GBP6: variants seen among roughly 807,000 people sequenced by gnomAD.
The protein encoded by GBP6 is guanylate-binding protein 6.
Under a neutral mutation model 61.5 loss-of-function variants are expected in GBP6, and 54 were observed. The ratio of observed to expected loss-of-function variants is 0.88; its 90% CI spans 0.71 to 1.10. The LOEUF (loss-of-function observed/expected upper bound fraction) is 1.10, where lower values mean the gene tolerates loss of function less well. GBP6 is among the 50% of genes least tolerant of loss of function. The probability of loss-of-function intolerance (pLI) is 0.00; values close to 1 mark genes in which losing one functional copy is unlikely to be tolerated. For synonymous variants in GBP6, 255 were observed against 273.7 expected (o/e 0.93, Z 0.67); for missense variants, 748 against 752.8 (o/e 0.99, Z 0.07).
intron 5 of GBP6, 142 bp downstream of exon 5, chr1:89,378,755 C>T (rs748062606): frequency 8.1e-6 from 5 of 621,030 alleles, no homozygotes; most frequent in Non-Finnish European, 1.1e-5. Flanking sequence ...TGTTGAAGAG[C>T]TCTAGGAATG....
chr1:89,370,924 G>A (rs960361857), intron 3 of GBP6, among the ~76,000 whole-genome samples: 5 of 152,008 alleles, frequency 3.3e-5, no homozygotes, highest in African/African-American at 7.2e-5. Context: ...ACTGCTGTAC[G>A]GTAGATCTCC....
chr1:89,375,579 G>C (rs945170895), intron 3 of GBP6, among the ~76,000 whole-genome samples: 2 of 146,072 alleles, frequency 1.4e-5, no homozygotes, highest in Non-Finnish European at 3.0e-5. Flanking sequence ...CAGCACCTTT[G>C]CTCATTTTTA....
At chr1:89,376,741 T>C (rs1350665432) in intron 3 of GBP6, among the ~76,000 whole-genome samples, 1 of 152,166 alleles carries the variant, frequency 6.6e-6, no homozygotes, top group African/African-American at 2.4e-5. Flanking sequence ...TTATATTTAT[T>C]TAAGAATATT....
Position 89,368,700 on chromosome 1 carries a change from G to C in GBP6, c.149G>C (p.Gly50Ala). 1 of 1,613,866 alleles carries C rather than the reference G, an allele frequency of 6.2e-7. No individual in the cohort carries two copies. The highest frequency in any genetic ancestry group is 8.5e-7 in the Non-Finnish European group (1 of 1,179,800). The change falls in exon 2 of 11, where the codon GGG becomes GCG. Residue 50 changes from glycine to alanine, a missense_variant. By Grantham distance (60) the Gly-to-Ala change is moderately conservative (BLOSUM62 0). Coordinates refer to ENST00000370456, the MANE Select transcript of GBP6 (RefSeq NM_198460.3). ...GCCATTGTAGGACTGTACCGTACAG[G>C]GAAATCCTACTTGATGAACCATCTG... ...VVAIVGLYRT[G>A]KSYLMNHLAG...
At position 89,387,937 on chromosome 1, in the gene GBP6, GCT is replaced by G. The variant is rs1653183598; in HGVS notation, c.*2471_*2472del. ...AACAGAGCCTGGGCGACAGAGTGAG[GCT>G]CTGTCTCAAAAAATTAAACTAAATT... On this transcript the variant is annotated 3_prime_UTR_variant, in exon 11 of 11. Coordinates refer to ENST00000370456, the MANE Select transcript of GBP6 (RefSeq NM_198460.3). Among the ~76,000 whole-genome samples, 1 of 152,156 alleles carries G rather than the reference GCT, an allele frequency of 6.6e-6. No homozygotes were observed. Among genetic ancestry groups the G allele is most frequent in the South Asian group, 2.1e-4 (1 of 4,830 alleles).
At chr1:89,367,598 A>AG (rs1299321249) in intron 1 of GBP6, among the ~76,000 whole-genome samples, 2 of 152,120 alleles carry the variant, frequency 1.3e-5, no homozygotes, top group South Asian at 2.1e-4. Context: ...CTTTCCATAG[A>AG]TTGCCTTTTT....
In GBP6 at chr1:89,379,385, G is replaced by A. The variant is rs143515973; in HGVS notation, c.625+772G>A. Among the ~76,000 whole-genome samples, 1,474 of 151,892 alleles carry A rather than the reference G, an allele frequency of 9.7e-3. 21 individuals carry two copies. The highest frequency in any genetic ancestry group is 0.033 in the African/African-American group (1,379 of 41,378). The stretch of plus-strand genomic sequence containing the variant: ...CATATTTCAACATGAGATTTGGAGG[G>A]GACACACATCCAAAATACATCAACA... On this transcript the variant is annotated intron_variant, in intron 5 of 10. Coordinates refer to ENST00000370456, the MANE Select transcript of GBP6 (RefSeq NM_198460.3).
At position 89,378,152 on chromosome 1, in the gene GBP6, G is replaced by A; in HGVS notation, c.368G>A (p.Cys123Tyr). 2 of 1,612,986 alleles carry A rather than the reference G, an allele frequency of 1.2e-6. No homozygotes were observed. The highest frequency in any genetic ancestry group is 1.7e-6 in the Non-Finnish European group (2 of 1,179,728). ...SWIFALAVLLCSTFVYNSMST... is the reference protein window; with the variant it reads ...SWIFALAVLLYSTFVYNSMST... ...ATCTTTGCCCTGGCTGTGCTCCTGT[G>A]CAGCACCTTTGTCTACAACAGCATG... The change falls in exon 4 of 11, where the codon TGC becomes TAC. Residue 123 changes from cysteine (C) to tyrosine (Y), a missense_variant. Transcript: ENST00000370456.
rs1653120429 is a variant in GBP6 at position 89,385,579 on chromosome 1, G to A, written c.*110G>A. On this transcript the variant is annotated 3_prime_UTR_variant, in exon 11 of 11. Coordinates refer to ENST00000370456, the MANE Select transcript of GBP6 (RefSeq NM_198460.3). ...TTCAGAGTCTTACTCTGTTGCCCAG[G>A]CTGGAGTACAGTGGTGCAATCTCAG... 3 of 1,078,870 alleles carry A rather than the reference G, an allele frequency of 2.8e-6. No homozygotes were observed. The highest frequency in any genetic ancestry group is 5.6e-5 in the Admixed American group (2 of 35,494). The allele number at this position is 1,078,870 out of a possible 1,614,324, so 66.8% of individuals were successfully genotyped here.
At position 89,380,694 on chromosome 1, in the gene GBP6, T is replaced by A. The variant is rs768933321; in HGVS notation, c.871+63T>A. ...GTGTTGAATATATTGTATAATGTGT[T>A]TCTCAGAATTTTTGTTAGATTCCAT... On this transcript the variant is annotated intron_variant, in intron 6 of 10. Coordinates refer to ENST00000370456, the MANE Select transcript of GBP6 (RefSeq NM_198460.3). The A allele has an allele frequency of 1.6e-4, 248 of 1,508,694 alleles. 1 individual carries two copies. The highest frequency in any genetic ancestry group is 2.3e-4 in the South Asian group (18 of 78,114). The allele number at this position is 1,508,694 out of a possible 1,614,324, so 93.5% of individuals were successfully genotyped here.
At chr1:89,373,968 TG>T (rs1446506103) in intron 3 of GBP6, among the ~76,000 whole-genome samples, 1 of 152,130 alleles carries the variant, frequency 6.6e-6, no homozygotes, top group Non-Finnish European at 1.5e-5. Context: ...TTGAATCATG[TG>T]GGTGGTTTCC....
intron 9 of GBP6, 116 bp from the exon 10 acceptor site, chr1:89,383,977 G>C: frequency 1.8e-6 from 2 of 1,099,848 alleles, no homozygotes; most frequent in Admixed American, 5.7e-5. Flanking sequence ...GTGGACCTGG[G>C]TGAATTCTGT....
In GBP6 at chr1:89,386,350, A is replaced by G. The variant is rs1327251181; in HGVS notation, c.*881A>G. Reference sequence around the variant, plus strand: ...AAGGAACACATACTCTTCACTTTATACTCTTGAATTTTGTAAAGAAATCTT... The same window carrying G: ...AAGGAACACATACTCTTCACTTTATGCTCTTGAATTTTGTAAAGAAATCTT... On this transcript the variant is annotated 3_prime_UTR_variant, in exon 11 of 11. Coordinates refer to ENST00000370456, the MANE Select transcript of GBP6 (RefSeq NM_198460.3). The G allele has an allele frequency of 6.6e-6, 1 of 152,210 alleles. No homozygotes were observed. The highest frequency in any genetic ancestry group is 2.1e-4 in the South Asian group (1 of 4,834). 9.4% of individuals were successfully genotyped at this position (152,210 alleles called of 1,614,324 possible). A position where few individuals can be genotyped will look rare whatever the true frequency, so the allele number is the denominator to read the frequency against.
chr1:89,365,058 C>T (rs1168913774), intron 1 of GBP6, among the ~76,000 whole-genome samples: 3 of 149,238 alleles, frequency 2.0e-5, no homozygotes, highest in Non-Finnish European at 4.5e-5. Context: ...TCCCACTTAC[C>T]AGTTAGAACA....
intron 6 of GBP6, 102 bp from the exon 7 acceptor site, chr1:89,381,592 A>C: frequency 2.1e-5 from 23 of 1,080,474 alleles, no homozygotes; most frequent in Non-Finnish European, 3.0e-5. Context: ...GCATGTGTGC[A>C]CGCGCGTGTA....
rs1360014303 is a variant in GBP6, at chr1:89,385,921, T to C, written c.*452T>C. On this transcript the variant is annotated 3_prime_UTR_variant, in exon 11 of 11. Coordinates refer to ENST00000370456, the MANE Select transcript of GBP6 (RefSeq NM_198460.3). ...TGAGAGAACAGATCCATACACACTT[T>C]GAAAAACTTTGTTCACTTTTAGGAA... 6.6e-6 allele frequency: 1 copy of C among 152,670 alleles called. No homozygotes were observed. Among genetic ancestry groups the C allele is most frequent in the Non-Finnish European group, 1.5e-5 (1 of 68,414 alleles). The allele number at this position is 152,670 out of a possible 1,614,324, so 9.5% of individuals were successfully genotyped here. A position where few individuals can be genotyped will look rare whatever the true frequency, so the allele number is the denominator to read the frequency against.
intron 3 of GBP6, among the ~76,000 whole-genome samples, chr1:89,375,019 G>C (rs932147497): frequency 6.6e-6 from 1 of 152,128 alleles, no homozygotes; most frequent in Non-Finnish European, 1.5e-5. Context: ...AGAACATGCA[G>C]TGTTTGGTTT....
At chr1:89,372,772 A>G (rs1344147984) in intron 3 of GBP6, among the ~76,000 whole-genome samples, 1 of 152,214 alleles carries the variant, frequency 6.6e-6, no homozygotes, top group Non-Finnish European at 1.5e-5. Flanking sequence ...TTCATGTCTA[A>G]AACACCAAAA....
intron 1 of GBP6, among the ~76,000 whole-genome samples, chr1:89,366,084 A>G (rs936287990): frequency 3.3e-5 from 5 of 152,200 alleles, no homozygotes; most frequent in African/African-American, 1.2e-4. Context: ...AAATATTACA[A>G]TTAAATCCCA....
Sources: gnomAD v4.1 joint callset for allele counts (sites outside exome capture counted in the v4.1 genomes callset) on GRCh38, gnomAD v4.1.1 for gene constraint, MANE v1.5 for transcripts, NCBI Gene and HGNC (gene_info 2026-07-23, HGNC 2026-07-21) for gene names.